SUPT20H: variants seen among roughly 807,000 people sequenced by gnomAD.
The protein encoded by SUPT20H is transcription factor SPT20 homolog.
Under a neutral mutation model 122.8 loss-of-function variants are expected in SUPT20H, and 82 were observed. The ratio of observed to expected loss-of-function variants is 0.67; its 90% CI spans 0.56 to 0.80. SUPT20H has a LOEUF of 0.80. Among genes scored for constraint, SUPT20H ranks in the 30% least tolerant of loss-of-function variants. SUPT20H has a pLI of 0.00. For missense variants in SUPT20H, 831 were observed against 921.6 expected (o/e 0.90, Z 1.27); for synonymous variants, 291 against 313.0 (o/e 0.93, Z 0.74).
At chr13:37,012,384 A>G (rs2059760535) in intron 23 of SUPT20H, 87 bp from the exon 24 acceptor site, 5 of 1,063,204 alleles carry the variant, frequency 4.7e-6, no homozygotes. Flanking sequence ...TTCCTATATG[A>G]AAGAAAGCAG....
intron 9 of SUPT20H, chr13:37,040,055 C>T (rs2065190523): frequency 6.3e-6 from 1 of 159,494 alleles, no homozygotes; most frequent in Non-Finnish European, 1.3e-5. Context: ...ATAGGCTAGG[C>T]TAGGGTTTAG....
chr13:37,036,374 G>A (rs531230295), intron 9 of SUPT20H, among the ~76,000 whole-genome samples: 9 of 151,804 alleles, frequency 5.9e-5, no homozygotes, highest in Non-Finnish European at 1.3e-4. Context: ...CGCCAGGTTG[G>A]AGTGCAGTGG....
chr13:37,023,915 A>G, intron 19 of SUPT20H, 120 bp downstream of exon 19: 1 of 962,062 alleles, frequency 1.0e-6, no homozygotes, highest in Non-Finnish European at 1.5e-6. Flanking sequence ...AGCAACTTAT[A>G]CATTTTGGGT....
chr13:37,026,243 T>C lies in SUPT20H; in HGVS notation c.1179-7A>G. On this transcript the variant is annotated splice_region_variant and splice_polypyrimidine_tract_variant and intron_variant, in intron 15 of 25. Coordinates refer to ENST00000350612, the MANE Select transcript of SUPT20H (RefSeq NM_001014286.3). ...CTTTGATCCAATAATGAACCTAAAA[T>C]GTTTAAGGAAAAAAAAGGAGAGAAA... The C allele has an allele frequency of 1.3e-6, 2 of 1,493,408 alleles. No individual in the cohort carries two copies. Among genetic ancestry groups the C allele is most frequent in the Non-Finnish European group, 1.8e-6 (2 of 1,129,296 alleles). The allele number at this position is 1,493,408 out of a possible 1,614,324, so 92.5% of individuals were successfully genotyped here. A position where few individuals can be genotyped will look rare whatever the true frequency, so the allele number is the denominator to read the frequency against.
intron 1 of SUPT20H, 169 bp downstream of exon 1, chr13:37,059,390 G>C (rs528617893): frequency 2.0e-5 from 3 of 152,382 alleles, no homozygotes; most frequent in East Asian, 1.9e-4. Context: ...CGTCCACCTG[G>C]AGTTTAGCTG....
chr13:37,010,714 A>G (rs1030377240), intron 24 of SUPT20H, 59 bp from the exon 25 acceptor site: 48 of 1,193,926 alleles, frequency 4.0e-5, no homozygotes, highest in Non-Finnish European at 5.8e-5. Flanking sequence ...TACCAGGGTT[A>G]GAAAAGGACA....
At chr13:37,049,385 C>T (rs1388868867) in intron 2 of SUPT20H, among the ~76,000 whole-genome samples, 1 of 152,078 alleles carries the variant, frequency 6.6e-6, no homozygotes, top group African/African-American at 2.4e-5. Flanking sequence ...TATGCTATGT[C>T]TTCATTTGTA....
At chr13:37,053,950 C>T (rs934604641) in intron 1 of SUPT20H, among the ~76,000 whole-genome samples, 4 of 152,132 alleles carry the variant, frequency 2.6e-5, no homozygotes, top group Non-Finnish European at 5.9e-5. Flanking sequence ...CCACCGATCC[C>T]ACAGAAATAC....
At chr13:37,040,509 G>A in intron 8 of SUPT20H, 51 bp from the exon 9 acceptor site, 2 of 1,584,212 alleles carry the variant, frequency 1.3e-6, no homozygotes, top group Non-Finnish European at 1.7e-6. Context: ...ACAAACATAT[G>A]AAGAATTCGA....
rs1300431879 is a variant in SUPT20H at position 37,019,349 on chromosome 13, A to T, written c.1865T>A (p.Leu622Gln). ...GCAGTATTTCAGGTTTACCTGGAGTAGATTTAAGGGCCTGAGACTTGAAGT... is the reference window on the plus strand; with the variant it reads ...GCAGTATTTCAGGTTTACCTGGAGTTGATTTAAGGGCCTGAGACTTGAAGT... ...KNTSSLRPLNLLQLPGGSLIF... is the reference protein window; with the variant it reads ...KNTSSLRPLNQLQLPGGSLIF... The change falls in exon 22 of 26, where the codon CTA (leucine) becomes CAA (glutamine). Residue 622 changes from leucine (L) to glutamine (Q), a missense_variant. Coordinates refer to ENST00000350612, the MANE Select transcript of SUPT20H (RefSeq NM_001014286.3). 1.3e-6 allele frequency: 2 copies of T among 1,598,798 alleles called. No homozygotes were observed. The highest frequency in any genetic ancestry group is 1.7e-6 in the Non-Finnish European group (2 of 1,174,462).
intron 22 of SUPT20H, 97 bp downstream of exon 22, chr13:37,019,245 C>A: frequency 1.2e-6 from 1 of 842,138 alleles, no homozygotes; most frequent in Admixed American, 2.7e-5. Flanking sequence ...TCTAAACAGA[C>A]CTCAGAATTT....
chr13:37,037,010 C>T (rs1024309838), intron 9 of SUPT20H, among the ~76,000 whole-genome samples: 11 of 151,800 alleles, frequency 7.2e-5, no homozygotes, highest in African/African-American at 2.7e-4. Flanking sequence ...GCCTGGGCAA[C>T]ACAGTGAAAT....
At chr13:37,023,943 A>G in intron 19 of SUPT20H, 92 bp downstream of exon 19, 5 of 1,361,584 alleles carry the variant, frequency 3.7e-6, no homozygotes, top group Non-Finnish European at 5.0e-6. Flanking sequence ...ACATTCAGAT[A>G]TCACTACTTC....
intron 5 of SUPT20H, among the ~76,000 whole-genome samples, chr13:37,045,629 A>C: frequency 6.6e-6 from 1 of 152,328 alleles, no homozygotes; most frequent in Admixed American, 6.5e-5. Flanking sequence ...ACACAATAAA[A>C]GCACTTAAAT....
At position 37,009,704 on chromosome 13, in the gene SUPT20H, T is replaced by C; in HGVS notation, c.2308A>G (p.Lys770Glu). Reference sequence around the variant, plus strand: ...TTTGGAGTGGTTGGCGTGCCTCTCTTCATTTTACTTTTTGACTGGCTGCCT... The same window carrying C: ...TTTGGAGTGGTTGGCGTGCCTCTCTCCATTTTACTTTTTGACTGGCTGCCT... ...HTGSQSKSKM[K>E]RGTPTTPKF The change falls in exon 26 of 26, where the codon AAG (lysine) becomes GAG (glutamate). Residue 770 changes from lysine to glutamate, a missense_variant. Physicochemically the swap from Lys to Glu is moderately conservative, Grantham distance 56 (BLOSUM62 1). Transcript: ENST00000350612. 1 of 1,614,044 alleles carries C rather than the reference T, an allele frequency of 6.2e-7. No individual in the cohort carries two copies. Among genetic ancestry groups the C allele is most frequent in the Admixed American group, 1.7e-5 (1 of 59,980 alleles).
At chr13:37,054,622 T>C (rs1281623030) in intron 1 of SUPT20H, among the ~76,000 whole-genome samples, 6 of 152,170 alleles carry the variant, frequency 3.9e-5, no homozygotes, top group African/African-American at 1.2e-4. Flanking sequence ...TATCTCAAAA[T>C]AATAAGAGCT....
intron 14 of SUPT20H, among the ~76,000 whole-genome samples, chr13:37,027,660 C>T (rs1291288703): frequency 2.0e-5 from 3 of 151,840 alleles, no homozygotes; most frequent in Non-Finnish European, 4.4e-5. Context: ...CTGACAGTAC[C>T]AAATATATGT....
At chr13:37,028,433 T>C (rs902080847) in intron 13 of SUPT20H, 128 bp from the exon 14 acceptor site, 2 of 849,466 alleles carry the variant, frequency 2.4e-6, no homozygotes, top group African/African-American at 1.7e-5. Context: ...GCACTTAGGC[T>C]ACAAAGATAT....
intron 7 of SUPT20H, among the ~76,000 whole-genome samples, chr13:37,041,625 T>C (rs144800031): frequency 3.3e-5 from 5 of 152,310 alleles, no homozygotes; most frequent in African/African-American, 7.2e-5. Context: ...TCACTCATAG[T>C]ATGTTTTTCA....
Sources: gnomAD v4.1 joint callset for allele counts (sites outside exome capture counted in the v4.1 genomes callset) on GRCh38, gnomAD v4.1.1 for gene constraint, MANE v1.5 for transcripts, NCBI Gene and HGNC (gene_info 2026-07-23, HGNC 2026-07-21) for gene names.